The following SRGAP1 variants were observed in gnomAD, a reference collection of about 807,000 sequenced individuals.
The protein encoded by SRGAP1 is SLIT-ROBO Rho GTPase activating protein 1, also known as SLIT-ROBO Rho GTPase-activating protein 1.
A neutral mutation model predicts 121.9 loss-of-function variants in SRGAP1; 43 were observed. The ratio of observed to expected loss-of-function variants is 0.35; its 90% CI spans 0.28 to 0.46. The LOEUF is 0.46. Ranked by LOEUF, SRGAP1 falls within the 20% of genes least tolerant of loss-of-function variation. The pLI, the probability that SRGAP1 is intolerant of heterozygous loss-of-function variation, is 1.00. For missense variants in SRGAP1, 1,102 were observed against 1,350.9 expected (o/e 0.82, Z 2.89); for synonymous variants, 447 against 485.4 (o/e 0.92, Z 1.04).
At chr12:63,968,519 C>T (rs949514916) in intron 1 of SRGAP1, among the ~76,000 whole-genome samples, 1 of 152,180 alleles carries the variant, frequency 6.6e-6, no homozygotes, top group Non-Finnish European at 1.5e-5. Context: ...TGTTACTTTA[C>T]ACCCTGCCTG....
intron 1 of SRGAP1, among the ~76,000 whole-genome samples, chr12:63,896,766 A>G (rs895247574): frequency 6.6e-6 from 1 of 152,206 alleles, no homozygotes; most frequent in African/African-American, 2.4e-5. Flanking sequence ...CCCATGAGCC[A>G]TCACTTTACC....
intron 1 of SRGAP1, among the ~76,000 whole-genome samples, chr12:63,930,312 G>A (rs1316294288): frequency 3.9e-5 from 5 of 126,738 alleles, no homozygotes; most frequent in African/African-American, 5.9e-5. Flanking sequence ...CCAACATGGT[G>A]AAACATCGTC....
chr12:64,124,577 G>C (rs2036657844), intron 18 of SRGAP1, among the ~76,000 whole-genome samples: 1 of 152,148 alleles, frequency 6.6e-6, no homozygotes, highest in Non-Finnish European at 1.5e-5. Context: ...TGATTACAAG[G>C]CTAAGGATGA....
intron 3 of SRGAP1, among the ~76,000 whole-genome samples, chr12:63,992,722 G>T (rs889947841): frequency 6.8e-6 from 1 of 147,564 alleles, no homozygotes; most frequent in Non-Finnish European, 1.5e-5. Context: ...CACACGTGCA[G>T]AGAGAGAGAC....
intron 4 of SRGAP1, among the ~76,000 whole-genome samples, chr12:64,041,199 A>G (rs2035012688): frequency 1.3e-5 from 2 of 152,104 alleles, no homozygotes; most frequent in Non-Finnish European, 2.9e-5. Context: ...ACAGTCATAT[A>G]GACAAATACT....
At chr12:63,866,217 C>G (rs1046543431) in intron 1 of SRGAP1, among the ~76,000 whole-genome samples, 3 of 152,180 alleles carry the variant, frequency 2.0e-5, no homozygotes, top group African/African-American at 7.2e-5. Flanking sequence ...TTGCTCTCAA[C>G]TGGTCATTGT....
At position 64,149,976 on chromosome 12, in the gene SRGAP1, A is replaced by T. The variant is rs368132372; in HGVS notation, c.*7304A>T. ...GTATAAATATTTTTGCTCACTTAAT[A>T]ATCACGGTGAGGTTCATCACCTCTT... is the stretch of plus-strand genomic sequence containing the variant. On this transcript the variant is annotated 3_prime_UTR_variant, in exon 22 of 22. Transcript: ENST00000355086. 10 of 152,344 alleles carry T rather than the reference A, an allele frequency of 6.6e-5. No homozygotes were observed. Among genetic ancestry groups the T allele is most frequent in the African/African-American group, 2.4e-4 (10 of 41,570 alleles). The allele number at this position is 152,344 out of a possible 1,614,324, so 9.4% of individuals were successfully genotyped here.
Position 64,154,189 on chromosome 12 carries a change from T to C in SRGAP1, c.*11517T>C, listed in dbSNP as rs2037146413. 1 of 152,210 alleles carries C rather than the reference T, an allele frequency of 6.6e-6. No individual in the cohort carries two copies. The highest frequency in any genetic ancestry group is 2.4e-5 in the African/African-American group (1 of 41,452). The allele number at this position is 152,210 out of a possible 1,614,324, so 9.4% of individuals were successfully genotyped here. On this transcript the variant is annotated 3_prime_UTR_variant, in exon 22 of 22. Transcript: ENST00000355086. Reference sequence around the variant, plus strand: ...TTCAGTGTTTACAGGGTTTCAGTTTTGCAAGATAAAAAGTTCTAAAGATCT... The same window carrying C: ...TTCAGTGTTTACAGGGTTTCAGTTTCGCAAGATAAAAAGTTCTAAAGATCT...
rs2037010829 is a variant in SRGAP1, at chr12:64,144,077, A to C, written c.*1405A>C. 1 of 152,240 alleles carries C rather than the reference A, an allele frequency of 6.6e-6. No homozygotes were observed. Among genetic ancestry groups the C allele is most frequent in the Non-Finnish European group, 1.5e-5 (1 of 68,050 alleles). 9.4% of individuals were successfully genotyped at this position (152,240 alleles called of 1,614,324 possible). A position where few individuals can be genotyped will look rare whatever the true frequency, so the allele number is the denominator to read the frequency against. ...GACCCTCTTTCTCTGGCATCCTAGC[A>C]CACAGGCAATTTTTTAAGCCTATAT... On this transcript the variant is annotated 3_prime_UTR_variant, in exon 22 of 22. Transcript: ENST00000355086.
At chr12:63,963,237 A>C (rs900122183) in intron 1 of SRGAP1, among the ~76,000 whole-genome samples, 3 of 152,208 alleles carry the variant, frequency 2.0e-5, no homozygotes, top group African/African-American at 4.8e-5. Flanking sequence ...AGCTTCTTTT[A>C]AATATGAGTG....
intron 1 of SRGAP1, among the ~76,000 whole-genome samples, chr12:63,892,082 A>T (rs937757934): frequency 9.2e-5 from 14 of 152,160 alleles, no homozygotes; most frequent in Non-Finnish European, 2.1e-4. Flanking sequence ...CTTTTTCCAG[A>T]TTCAATTATG....
intron 15 of SRGAP1, among the ~76,000 whole-genome samples, chr12:64,106,047 T>C (rs2036340063): frequency 6.6e-6 from 1 of 152,222 alleles, no homozygotes; most frequent in Admixed American, 6.5e-5. Flanking sequence ...AGAGACAATG[T>C]ATTCCTCTGT....
At chr12:64,044,871 G>A (rs542220491) in intron 6 of SRGAP1, among the ~76,000 whole-genome samples, 3 of 151,732 alleles carry the variant, frequency 2.0e-5, no homozygotes, top group African/African-American at 7.2e-5. Flanking sequence ...GTAGAGATGG[G>A]CTTTCACCAT....
At chr12:63,983,463 C>T (rs913968042) in intron 1 of SRGAP1, 1 of 152,116 alleles carries the variant, frequency 6.6e-6, no homozygotes, top group Admixed American at 6.6e-5. Flanking sequence ...TGAGGCTCCT[C>T]TTGTTCTTTT....
intron 1 of SRGAP1, chr12:63,887,930 A>G (rs1050850700): frequency 6.6e-6 from 1 of 152,240 alleles, no homozygotes; most frequent in African/African-American, 2.4e-5. Context: ...CTTTCTGACA[A>G]CGTTCATTCA....
chr12:64,084,345 C>T (rs1045242023), intron 10 of SRGAP1, among the ~76,000 whole-genome samples: 9 of 143,616 alleles, frequency 6.3e-5, no homozygotes, highest in Non-Finnish European at 9.2e-5. Flanking sequence ...GGGGGTGTGG[C>T]GAGGGGAAGG....
intron 4 of SRGAP1, 143 bp downstream of exon 4, chr12:64,017,155 A>T (rs867304902): frequency 2.1e-5 from 11 of 529,036 alleles, no homozygotes; most frequent in Middle Eastern, 6.5e-4. Context: ...AGGGATAGGT[A>T]TACACAGCTA....
At chr12:64,074,038 A>G (rs557107493) in intron 8 of SRGAP1, among the ~76,000 whole-genome samples, 1 of 152,220 alleles carries the variant, frequency 6.6e-6, no homozygotes, top group South Asian at 2.1e-4. Flanking sequence ...TCATGTTTCT[A>G]TGTATTTGGA....
At chr12:64,043,809 A>G in intron 6 of SRGAP1, among the ~76,000 whole-genome samples, 1 of 152,224 alleles carries the variant, frequency 6.6e-6, no homozygotes. Context: ...AGATTCTGTG[A>G]AGCTGTGAGA....
Sources: allele counts gnomAD v4.1 joint callset (sites outside exome capture counted in the v4.1 genomes callset), GRCh38; gene constraint gnomAD v4.1.1; transcripts MANE v1.5; gene names NCBI Gene and HGNC (gene_info 2026-07-23, HGNC 2026-07-21).